The following NR2F1-AS1 variants were observed in gnomAD, a reference collection of about 807,000 sequenced individuals.
NR2F1-AS1 encodes the protein NR2F1 antisense RNA 1.
chr5:93,480,677 T>C (rs1316402130), intron 4 of NR2F1-AS1, among the ~76,000 whole-genome samples: 1 of 152,036 alleles, frequency 6.6e-6, no homozygotes, highest in Non-Finnish European at 1.5e-5. Context: ...CATAAAACAA[T>C]AATTATAAAT....
Position 93,579,020 on chromosome 5 carries a change from A to G in NR2F1-AS1, n.313+1447T>C, listed in dbSNP as rs1198220605. On this transcript the variant is annotated intron_variant and non_coding_transcript_variant, in intron 1 of 5. Coordinates refer to ENST00000660523, the Ensembl canonical transcript of NR2F1-AS1. This position sits in a 1 kb window ranked among gnomAD's most constrained non-coding sequence, Gnocchi z 5.1. ...CCTCTAGGGAAGACATTTTTGCTGGAGGCAGGGCTATGAGCACAAGTGGGG... is the reference window on the plus strand; with the variant it reads ...CCTCTAGGGAAGACATTTTTGCTGGGGGCAGGGCTATGAGCACAAGTGGGG... 6.6e-6 allele frequency among the ~76,000 whole-genome samples: 1 copy of G among 152,102 alleles called. No individual in the cohort carries two copies. Among genetic ancestry groups the G allele is most frequent in the Non-Finnish European group, 1.5e-5 (1 of 68,020 alleles).
At chr5:93,418,420 C>T (rs1204510395) in intron 4 of NR2F1-AS1, among the ~76,000 whole-genome samples, 1 of 152,068 alleles carries the variant, frequency 6.6e-6, no homozygotes, top group Non-Finnish European at 1.5e-5. Flanking sequence ...AACCCCGCCT[C>T]TACTAAAAAT....
chr5:93,572,531 A>C (rs1475727361), intron 1 of NR2F1-AS1, among the ~76,000 whole-genome samples: 1 of 152,122 alleles, frequency 6.6e-6, no homozygotes, highest in Non-Finnish European at 1.5e-5. Context: ...CCCCGCAGCC[A>C]CGCAACAACG....
chr5:93,564,638 C>T (rs941163773), intron 1 of NR2F1-AS1, among the ~76,000 whole-genome samples: 11 of 152,134 alleles, frequency 7.2e-5, no homozygotes, highest in Admixed American at 2.0e-4. Context: ...AACAGAAGGT[C>T]ATTTATGATT....
At chr5:93,490,113 C>G (rs1397468618) in intron 4 of NR2F1-AS1, among the ~76,000 whole-genome samples, 1 of 152,168 alleles carries the variant, frequency 6.6e-6, no homozygotes, top group African/African-American at 2.4e-5. Flanking sequence ...AAACATGATT[C>G]TTGCTTGTTA....
chr5:93,579,420 G>A lies in NR2F1-AS1; in HGVS notation n.313+1047C>T, dbSNP rs1230820384. On this transcript the variant is annotated intron_variant and non_coding_transcript_variant, in intron 1 of 5. Transcript: ENST00000660523. The surrounding 1 kb of genome is among the most constrained non-coding windows in gnomAD (Gnocchi z 5.1). The stretch of plus-strand genomic sequence containing the variant: ...GCTAGGGTCACGCCGGGTCCCAGGG[G>A]CCTCTTTCAAGTTTGAAAGCTCTGT... Among the ~76,000 whole-genome samples the A allele has an allele frequency of 1.3e-5, 2 of 152,172 alleles. No individual in the cohort carries two copies. Among genetic ancestry groups the A allele is most frequent in the Admixed American group, 6.5e-5 (1 of 15,286 alleles).
chr5:93,534,603 C>A (rs1249190594), intron 4 of NR2F1-AS1, among the ~76,000 whole-genome samples: 1 of 152,108 alleles, frequency 6.6e-6, no homozygotes. Context: ...ATTTTCCTTA[C>A]TTAGTGTCCA....
upstream of NR2F1-AS1, among the ~76,000 whole-genome samples, chr5:93,582,412 C>G (rs1753124065): frequency 6.6e-6 from 1 of 152,050 alleles, no homozygotes; most frequent in African/African-American, 2.4e-5. Flanking sequence ...GCTTTGTCAT[C>G]ATTAAACCTT....
intron 1 of NR2F1-AS1, among the ~76,000 whole-genome samples, chr5:93,565,298 C>G (rs979278054): frequency 6.6e-6 from 1 of 152,080 alleles, no homozygotes; most frequent in Non-Finnish European, 1.5e-5. Context: ...AGGCCTACCC[C>G]CAACTTCACA....
In NR2F1-AS1 at chr5:93,456,780, C is replaced by T. The variant is rs770907268; in HGVS notation, n.639-61238G>A. On this transcript the variant is annotated intron_variant and non_coding_transcript_variant, in intron 4 of 5. Coordinates refer to ENST00000660523, the Ensembl canonical transcript of NR2F1-AS1. ...AGTATTTATTCATTAGTATCTCTAC[C>T]ATATCGGAGAGGGGGACAACAGGGA... 4.1e-4 allele frequency among the ~76,000 whole-genome samples: 63 copies of T among 151,830 alleles called. 1 individual carries two copies. The highest frequency in any genetic ancestry group is 1.9e-4 in the East Asian group (1 of 5,180).
intron 4 of NR2F1-AS1, chr5:93,544,896 G>A (rs1356475951): frequency 6.9e-6 from 1 of 145,256 alleles, no homozygotes; most frequent in African/African-American, 2.6e-5. Context: ...CTCCAGCCTG[G>A]TGACATAGCG....
At chr5:93,443,586 A>C (rs888728396) in intron 4 of NR2F1-AS1, among the ~76,000 whole-genome samples, 5 of 152,236 alleles carry the variant, frequency 3.3e-5, no homozygotes, top group Non-Finnish European at 5.9e-5. Context: ...GGTATACCTT[A>C]AAGTGATGAG....
At chr5:93,460,600 T>A (rs1190607678) in intron 4 of NR2F1-AS1, among the ~76,000 whole-genome samples, 1 of 152,026 alleles carries the variant, frequency 6.6e-6, no homozygotes, top group East Asian at 1.9e-4. Flanking sequence ...AACCCACTAC[T>A]CTCACCCAAG....
chr5:93,483,014 G>A (rs1016775336), intron 4 of NR2F1-AS1, among the ~76,000 whole-genome samples: 8 of 152,336 alleles, frequency 5.3e-5, no homozygotes, highest in African/African-American at 1.9e-4. Context: ...GGCAGCTGTG[G>A]GTGCAGCTTC....
At chr5:93,475,777 C>G (rs1463224472) in intron 4 of NR2F1-AS1, among the ~76,000 whole-genome samples, 2 of 152,128 alleles carry the variant, frequency 1.3e-5, no homozygotes, top group African/African-American at 4.8e-5. Context: ...TTTGAGCACA[C>G]CTGTTTTGAA....
chr5:93,481,943 C>T (rs2149875433), intron 4 of NR2F1-AS1, among the ~76,000 whole-genome samples: 1 of 152,014 alleles, frequency 6.6e-6, no homozygotes, highest in Non-Finnish European at 1.5e-5. Context: ...CTGTAAACAC[C>T]TATATTTTTA....
At chr5:93,511,134 T>C (rs1751286811) in intron 4 of NR2F1-AS1, among the ~76,000 whole-genome samples, 1 of 152,160 alleles carries the variant, frequency 6.6e-6, no homozygotes, top group Non-Finnish European at 1.5e-5. Flanking sequence ...CTTCTGAGTG[T>C]GTCTGTGAGG....
intron 4 of NR2F1-AS1, among the ~76,000 whole-genome samples, chr5:93,427,654 C>G (rs539371468): frequency 1.6e-4 from 25 of 152,288 alleles, no homozygotes; most frequent in South Asian, 8.3e-4. Context: ...ATAAATACCA[C>G]TTGCTGACAG....
At chr5:93,461,562 C>CA (rs913428058) in intron 4 of NR2F1-AS1, among the ~76,000 whole-genome samples, 3 of 151,402 alleles carry the variant, frequency 2.0e-5, no homozygotes, top group Non-Finnish European at 2.9e-5. Context: ...AACTGAGTTA[C>CA]AAAAAAAATA....
Sources: gnomAD v4.1 joint callset for allele counts (sites outside exome capture counted in the v4.1 genomes callset) on GRCh38, gnomAD v4.1.1 for gene constraint, Gnocchi (gnomAD v3.1) non-coding constraint, MANE v1.5 for transcripts, NCBI Gene and HGNC (gene_info 2026-07-23, HGNC 2026-07-21) for gene names.